The following AFDN variants were observed in gnomAD, a reference collection of about 807,000 sequenced individuals.
AFDN encodes the protein afadin.
AFDN carries 68 observed loss-of-function variants against 216.6 expected under a neutral mutation model. That is an observed-to-expected ratio of 0.31 (90% CI 0.26 to 0.38). The LOEUF (loss-of-function observed/expected upper bound fraction) is 0.38, where lower values mean the gene tolerates loss of function less well. Among genes scored for constraint, AFDN ranks in the 10% least tolerant of loss-of-function variants. AFDN has a pLI of 1.00. For synonymous variants in AFDN, 868 were observed against 853.7 expected (o/e 1.02, Z -0.29); for missense variants, 2,136 against 2,342.0 (o/e 0.91, Z 1.82).
At chr6:167,891,408 G>GGT (rs71004178) in intron 8 of AFDN, among the ~76,000 whole-genome samples, 2,734 of 72,056 alleles carry the variant, frequency 0.038, 27 homozygotes, top group African/African-American at 0.07. Context: ...TAAAGGGGTG[G>GGT]GTGTGTGTGT....
rs1554316706 is a variant in AFDN at position 167,949,853 on chromosome 6, C to CAAA, written c.3832-1332_3832-1331insAAA. On this transcript the variant is annotated intron_variant, in intron 29 of 33. Coordinates refer to ENST00000683244, the MANE Select transcript of AFDN (RefSeq NM_001386888.1). Reference sequence around the variant, plus strand: ...ATACAGCTGCTACTTGTTTCTACCTCACATGGATAAACAATACCTAGAGGA... The same window carrying CAAA: ...ATACAGCTGCTACTTGTTTCTACCTCAAAACATGGATAAACAATACCTAGAGGA... 2.6e-4 allele frequency among the ~76,000 whole-genome samples: 40 copies of CAAA among 151,762 alleles called. No homozygotes were observed. The East Asian group carries it at 7.0e-3, about 27-fold the overall frequency.
chr6:167,943,089 A>C, intron 23 of AFDN, 40 bp from the exon 24 acceptor site: 1 of 1,553,238 alleles, frequency 6.4e-7, no homozygotes, highest in Non-Finnish European at 8.9e-7. Context: ...TTCTTACAAT[A>C]TATCTTCAAT....
At chr6:167,939,489 C>T (rs1347575481) in intron 23 of AFDN, among the ~76,000 whole-genome samples, 6 of 152,186 alleles carry the variant, frequency 3.9e-5, no homozygotes, top group South Asian at 2.1e-4. Flanking sequence ...GGACTATCAG[C>T]GCTCCAACTA....
chr6:167,922,999 T>G, intron 22 of AFDN, 40 bp downstream of exon 22: 1 of 1,369,780 alleles, frequency 7.3e-7, no homozygotes, highest in Non-Finnish European at 1.0e-6. Context: ...AATGGATCCT[T>G]AGGACTTGAA....
rs575345811 is a variant in AFDN at position 167,936,847 on chromosome 6, T to G, written c.3100-6282T>G. On this transcript the variant is annotated intron_variant, in intron 23 of 33. Transcript: ENST00000683244. ...TGGACAGAGACTGTGGTGGTTCGGG[T>G]TGAAGGTAATTGCCCATATTGATGT... Among the ~76,000 whole-genome samples, 7 of 152,332 alleles carry G rather than the reference T, an allele frequency of 4.6e-5. No individual in the cohort carries two copies. The South Asian group carries it at 1.4e-3, about 32-fold the overall frequency.
intron 13 of AFDN, among the ~76,000 whole-genome samples, chr6:167,909,141 A>G (rs941245340): frequency 2.0e-5 from 3 of 152,114 alleles, no homozygotes; most frequent in African/African-American, 7.2e-5. Flanking sequence ...TGTAAGGGAG[A>G]TGTGTTAAAA....
At chr6:167,858,832 T>A (rs1243765953) in intron 1 of AFDN, among the ~76,000 whole-genome samples, 1 of 152,158 alleles carries the variant, frequency 6.6e-6, no homozygotes, top group South Asian at 2.1e-4. Flanking sequence ...GCTCATTTTA[T>A]AAATGAGGAA....
chr6:167,829,447 T>G (rs1779589730), intron 1 of AFDN, among the ~76,000 whole-genome samples: 1 of 152,168 alleles, frequency 6.6e-6, no homozygotes, highest in South Asian at 2.1e-4. Flanking sequence ...GTGTGAATTT[T>G]TTTTTTTAAC....
intron 30 of AFDN, among the ~76,000 whole-genome samples, chr6:167,953,631 C>G (rs1796222400): frequency 6.6e-6 from 1 of 152,164 alleles, no homozygotes; most frequent in Non-Finnish European, 1.5e-5. Flanking sequence ...GAAAAACCAA[C>G]CACTACATTA....
At chr6:167,842,967 A>G (rs1781238317) in intron 1 of AFDN, among the ~76,000 whole-genome samples, 1 of 152,182 alleles carries the variant, frequency 6.6e-6, no homozygotes, top group Admixed American at 6.5e-5. Context: ...ACTATGTTTG[A>G]TTTTGGTGGC....
chr6:167,925,133 T>A (rs368892429), intron 23 of AFDN, 42 bp downstream of exon 23: 21 of 1,399,408 alleles, frequency 1.5e-5, no homozygotes, highest in Non-Finnish European at 2.1e-5. Context: ...CTCCAGTCTT[T>A]CGGCATTGAA....
At chr6:167,921,522 C>G (rs557654013) in intron 21 of AFDN, among the ~76,000 whole-genome samples, 3 of 152,080 alleles carry the variant, frequency 2.0e-5, no homozygotes, top group Non-Finnish European at 4.4e-5. Context: ...AATATATATT[C>G]CTTTGTTTCC....
chr6:167,934,535 G>T (rs1318360432), intron 23 of AFDN, among the ~76,000 whole-genome samples: 1 of 152,202 alleles, frequency 6.6e-6, no homozygotes, highest in Non-Finnish European at 1.5e-5. Flanking sequence ...CGGGCAGAGT[G>T]TCAACAGAAG....
chr6:167,942,978 C>T, intron 23 of AFDN, 151 bp from the exon 24 acceptor site: 1 of 581,086 alleles, frequency 1.7e-6, no homozygotes, highest in Non-Finnish European at 3.0e-6. Context: ...ATTTTTCATA[C>T]TTGTAATTTT....
At chr6:167,911,045 G>A in intron 13 of AFDN, 56 bp from the exon 14 acceptor site, 1 of 1,427,980 alleles carries the variant, frequency 7.0e-7, no homozygotes, top group Non-Finnish European at 9.8e-7. Context: ...CAGGTTGTCA[G>A]TAATATTGTT....
intron 8 of AFDN, 42 bp from the exon 9 acceptor site, chr6:167,893,820 A>C (rs780975775): frequency 6.6e-7 from 1 of 1,507,624 alleles, no homozygotes; most frequent in African/African-American, 1.4e-5. Flanking sequence ...TCTCCTGCTG[A>C]TGCTGCCTTC....
At chr6:167,884,826 C>G (rs1786575563) in intron 6 of AFDN, among the ~76,000 whole-genome samples, 1 of 152,186 alleles carries the variant, frequency 6.6e-6, no homozygotes, top group South Asian at 2.1e-4. Context: ...TCAGCCTGTT[C>G]TTTGAAGCTT....
intron 23 of AFDN, among the ~76,000 whole-genome samples, chr6:167,932,231 T>G (rs1793398014): frequency 6.6e-6 from 1 of 152,190 alleles, no homozygotes; most frequent in Admixed American, 6.5e-5. Flanking sequence ...TCTAAATTGG[T>G]GTATGGGGTA....
At chr6:167,967,210 G>C (rs1451118446) in intron 32 of AFDN, among the ~76,000 whole-genome samples, 1 of 152,172 alleles carries the variant, frequency 6.6e-6, no homozygotes, top group Non-Finnish European at 1.5e-5. Flanking sequence ...GTGTATGAGA[G>C]TCTTCTAAAT....
Sources: allele counts gnomAD v4.1 joint callset (sites outside exome capture counted in the v4.1 genomes callset), GRCh38; gene constraint gnomAD v4.1.1; transcripts MANE v1.5; gene names NCBI Gene and HGNC (gene_info 2026-07-23, HGNC 2026-07-21).